The following FCER2 variants were observed in gnomAD, a reference collection of about 807,000 sequenced individuals.
FCER2 encodes Fc epsilon receptor II, also known as low affinity immunoglobulin epsilon Fc receptor.
A neutral mutation model predicts 49.7 loss-of-function variants in FCER2; 38 were observed. That is an observed-to-expected ratio of 0.76 (90% CI 0.59 to 1.00). The LOEUF is 1.00. Ranked by LOEUF, FCER2 falls within the 50% of genes least tolerant of loss-of-function variation. The pLI is 0.00. For missense variants in FCER2, 425 were observed against 419.5 expected (o/e 1.01, Z -0.11); for synonymous variants, 163 against 164.6 (o/e 0.99, Z 0.07).
chr19:7,695,920 CTTT>C lies in FCER2; in HGVS notation c.469+902_469+904del, dbSNP rs60387474. On this transcript the variant is annotated intron_variant, in intron 8 of 10. Transcript: ENST00000597921. ...CAAAAGAGTAAGACTCCATCTCTCT[CTTT>C]TTTTTTTTTTTTTTTTTTTTTGAGA... Among the ~76,000 whole-genome samples, 41 of 80,692 alleles carry C rather than the reference CTTT, an allele frequency of 5.1e-4. 1 individual carries two copies. Among genetic ancestry groups the C allele is most frequent in the African/African-American group, 1.1e-3 (22 of 19,278 alleles). 52.9% of individuals were successfully genotyped at this position (80,692 alleles called of 152,430 possible). A position where few individuals can be genotyped will look rare whatever the true frequency, so the allele number is the denominator to read the frequency against.
Position 7,697,602 on chromosome 19 carries a change from G to A in FCER2, c.191-13C>T. On this transcript the variant is annotated splice_polypyrimidine_tract_variant and intron_variant, in intron 4 of 10. Transcript: ENST00000597921. The stretch of plus-strand genomic sequence containing the variant: ...GAAACTTGAGAGACTGGAGCGGCGG[G>A]AGAGAAGAGATATCCCAGGAACCTC... 1.9e-6 allele frequency: 3 copies of A among 1,613,190 alleles called. No individual in the cohort carries two copies. Among genetic ancestry groups the A allele is most frequent in the East Asian group, 2.2e-5 (1 of 44,880 alleles).
At position 7,698,290 on chromosome 19, in the gene FCER2, G is replaced by A. The variant is rs551524822; in HGVS notation, c.190+66C>T. On this transcript the variant is annotated intron_variant, in intron 4 of 10. Coordinates refer to ENST00000597921, the MANE Select transcript of FCER2 (RefSeq NM_001220500.2). ...GCGAGGGGACACTGAGGCCCAGAGA[G>A]GAGCGGGATGAGTGCTGGGCATCCT... 7.9e-6 allele frequency: 9 copies of A among 1,139,780 alleles called. No homozygotes were observed. In the East Asian group the frequency reaches 2.2e-4, roughly 28 times the overall value. 70.6% of individuals were successfully genotyped at this position (1,139,780 alleles called of 1,614,324 possible).
At chr19:7,690,693 G>T in intron 8 of FCER2, 136 bp from the exon 9 acceptor site, 1 of 809,514 alleles carries the variant, frequency 1.2e-6, no homozygotes, top group Non-Finnish European at 1.9e-6. Flanking sequence ...GGGCCTAACA[G>T]ACAGCCTCAC....
At position 7,697,581 on chromosome 19, in the gene FCER2, C is replaced by T. The variant is rs1367202128; in HGVS notation, c.199G>A (p.Val67Ile). The change falls in exon 5 of 11, where the codon GTT becomes ATT. Residue 67 changes from valine (V) to isoleucine (I), a missense_variant. Val to Ile is a conservative substitution (Grantham distance 29). Coordinates refer to ENST00000597921, the MANE Select transcript of FCER2 (RefSeq NM_001220500.2). Reference protein sequence around the residue: ...EERAARNVSQVSKNLESHHGD... With the variant: ...EERAARNVSQISKNLESHHGD... ...TGGTGGCTTTCCAAGTTCTTGGAAA[C>T]TTGAGAGACTGGAGCGGCGGGAGAG... The T allele has an allele frequency of 6.2e-7, 1 of 1,614,014 alleles. No homozygotes were observed. The highest frequency in any genetic ancestry group is 1.7e-5 in the Admixed American group (1 of 60,002).
intron 2 of FCER2, chr19:7,699,447 T>C: frequency 6.8e-7 from 1 of 1,471,844 alleles, no homozygotes; most frequent in Non-Finnish European, 9.0e-7. Context: ...CCTCTGACTC[T>C]ATTGGGCTCC....
chr19:7,699,578 A>T (rs2033109832), intron 2 of FCER2, 161 bp downstream of exon 2: 4 of 1,204,414 alleles, frequency 3.3e-6, no homozygotes, highest in Non-Finnish European at 4.7e-6. Context: ...TGTGCCAGGA[A>T]AGTCAGTCCG....
intron 6 of FCER2, 42 bp from the exon 7 acceptor site, chr19:7,697,117 T>C: frequency 1.2e-6 from 2 of 1,612,138 alleles, no homozygotes; most frequent in Non-Finnish European, 1.7e-6. Context: ...AGGGAGGATG[T>C]GTACAGGCCG....
rs1176216238 is a variant in FCER2 at position 7,698,354 on chromosome 19, A to G, written c.190+2T>C. On this transcript the variant is annotated splice_donor_variant, in intron 4 of 10. Transcript: ENST00000597921. LOFTEE classifies it high-confidence loss of function. ...ACCCCCTCCACCTTGACCCCTTCATACCGTTCCGGGCAGCCCTCTCTTCCA... is the reference window on the plus strand; with the variant it reads ...ACCCCCTCCACCTTGACCCCTTCATGCCGTTCCGGGCAGCCCTCTCTTCCA... 6.2e-7 allele frequency: 1 copy of G among 1,607,794 alleles called. No individual in the cohort carries two copies. The highest frequency in any genetic ancestry group is 1.3e-5 in the African/African-American group (1 of 74,752).
At chr19:7,692,809 C>G (rs1043700726) in intron 8 of FCER2, among the ~76,000 whole-genome samples, 1 of 152,144 alleles carries the variant, frequency 6.6e-6, no homozygotes, top group Non-Finnish European at 1.5e-5. Flanking sequence ...AGCAATACTT[C>G]AATCACCAAC....
intron 1 of FCER2, among the ~76,000 whole-genome samples, chr19:7,700,670 A>G (rs759984051): frequency 1.3e-5 from 2 of 151,514 alleles, no homozygotes; most frequent in Non-Finnish European, 2.9e-5. Context: ...ACGTGCCACC[A>G]TGACCAGATA....
intron 8 of FCER2, among the ~76,000 whole-genome samples, chr19:7,695,761 T>C (rs2032993499): frequency 6.6e-6 from 1 of 151,578 alleles, no homozygotes; most frequent in South Asian, 2.1e-4. Flanking sequence ...TACAGGAAAA[T>C]AAAAAATTAG....
chr19:7,701,218 A>T (rs2033146277), intron 1 of FCER2, among the ~76,000 whole-genome samples: 1 of 152,104 alleles, frequency 6.6e-6, no homozygotes, highest in South Asian at 2.1e-4. Context: ...ACTATAGGTA[A>T]GTCCCTTCTC....
chr19:7,697,205 T>C (rs771565535), intron 6 of FCER2, 31 bp downstream of exon 6: 6 of 1,612,766 alleles, frequency 3.7e-6, no homozygotes, highest in Non-Finnish European at 5.1e-6. Flanking sequence ...CCACCCAATC[T>C]GGCTTCATAA....
At chr19:7,690,103 C>T (rs2032817909) in intron 10 of FCER2, 56 bp downstream of exon 10, 1 of 1,114,670 alleles carries the variant, frequency 9.0e-7, no homozygotes. Flanking sequence ...CTAGGGAGCT[C>T]CTCCCTCCAC....
At chr19:7,694,994 C>T (rs1190709636) in intron 8 of FCER2, among the ~76,000 whole-genome samples, 1 of 152,176 alleles carries the variant, frequency 6.6e-6, no homozygotes. Context: ...ATCACCACAT[C>T]TGGCTAATTT....
In FCER2 at chr19:7,690,204, A is replaced by G; in HGVS notation, c.683T>C (p.Leu228Pro). ...GSWIGLRNLD[L>P]KGEFIWVDGS... is the part of the protein sequence containing the mutation. ...ATCCACCCAGATAAACTCCCCCTTC[A>G]GGTCCAAGTTCCGAAGGCCAATCCA... The change falls in exon 10 of 11, where the codon CTG (leucine) becomes CCG (proline). Residue 228 changes from leucine to proline, a missense_variant. Transcript: ENST00000597921. 6.2e-7 allele frequency: 1 copy of G among 1,613,876 alleles called. No homozygotes were observed. The highest frequency in any genetic ancestry group is 8.5e-7 in the Non-Finnish European group (1 of 1,179,820).
chr19:7,693,616 A>C (rs2032939367), intron 8 of FCER2, among the ~76,000 whole-genome samples: 1 of 151,908 alleles, frequency 6.6e-6, no homozygotes, highest in Non-Finnish European at 1.5e-5. Context: ...TATGCAGGGA[A>C]GGTTCCACTA....
At chr19:7,691,960 ATTG>A (rs1433348862) in intron 8 of FCER2, among the ~76,000 whole-genome samples, 13 of 68,762 alleles carry the variant, frequency 1.9e-4, no homozygotes, top group South Asian at 4.9e-4. Flanking sequence ...TACCAACACC[ATTG>A]TCACACATTC....
chr19:7,692,663 C>T (rs2032914272), intron 8 of FCER2, among the ~76,000 whole-genome samples: 1 of 149,144 alleles, frequency 6.7e-6, no homozygotes, highest in Non-Finnish European at 1.5e-5. Flanking sequence ...GTTAGCAACA[C>T]CTCAGCTGAC....
Sources: gnomAD v4.1 joint callset for allele counts (sites outside exome capture counted in the v4.1 genomes callset) on GRCh38, gnomAD v4.1.1 for gene constraint, MANE v1.5 for transcripts, NCBI Gene and HGNC (gene_info 2026-07-23, HGNC 2026-07-21) for gene names.